Variants in EIF4B observed in about 807,000 individuals in gnomAD.
EIF4B encodes eukaryotic translation initiation factor 4B.
Under a neutral mutation model 79.3 loss-of-function variants are expected in EIF4B, and 8 were observed. That is an observed-to-expected ratio of 0.10 (90% confidence interval 0.06 to 0.18). The LOEUF is 0.18. Among genes scored for constraint, EIF4B ranks in the 10% least tolerant of loss-of-function variants. The pLI is 1.00. For missense variants in EIF4B, 515 were observed against 792.4 expected, an observed-to-expected ratio of 0.65 and a Z score of 4.20; for synonymous variants, 238 against 274.7, an observed-to-expected ratio of 0.87 and a Z score of 1.32.
intron 4 of EIF4B, 93 bp downstream of exon 4, chr12:53,020,119 C>T (rs1943224269): frequency 1.2e-5 from 12 of 979,062 alleles, no homozygotes; most frequent in Non-Finnish European, 1.7e-5. Context: ...GAGAGGCTCA[C>T]TTCAAAGATT....
At position 53,040,907 on chromosome 12, in the gene EIF4B, A is replaced by T. The variant is rs1401066036; in HGVS notation, c.*684A>T. 1 of 152,082 alleles carries T rather than the reference A, an allele frequency of 6.6e-6. No individual in the cohort carries two copies. The highest frequency in any genetic ancestry group is 2.4e-5 in the African/African-American group (1 of 41,414). The allele number at this position is 152,082 out of a possible 1,614,324, so 9.4% of individuals were successfully genotyped here. ...CGTGGTTTGAAAAGAAGCTTTTGGGAAGTGATGAGTCATTTTGCACCAGGT... is the reference window on the plus strand; with the variant it reads ...CGTGGTTTGAAAAGAAGCTTTTGGGTAGTGATGAGTCATTTTGCACCAGGT... On this transcript the variant is annotated 3_prime_UTR_variant, in exon 15 of 15. Transcript: ENST00000262056.
At chr12:53,023,153 AAGTG>A (rs1449638552) in intron 6 of EIF4B, among the ~76,000 whole-genome samples, 1 of 152,190 alleles carries the variant, frequency 6.6e-6, no homozygotes, top group East Asian at 1.9e-4. Flanking sequence ...AGATTCTACA[AAGTG>A]AGCTATTTGA....
At chr12:53,013,737 A>G (rs1258150251) in intron 1 of EIF4B, 3 of 152,006 alleles carry the variant, frequency 2.0e-5, no homozygotes, top group Non-Finnish European at 2.9e-5. Context: ...TAGTGAGCCA[A>G]GATGGCGCCA....
intron 10 of EIF4B, among the ~76,000 whole-genome samples, chr12:53,037,170 C>CT (rs1276726723): frequency 1.3e-5 from 2 of 152,194 alleles, no homozygotes; most frequent in African/African-American, 4.8e-5. Context: ...ATACTCATTC[C>CT]TAAAAAGGTC....
intron 4 of EIF4B, 71 bp from the exon 5 acceptor site, chr12:53,021,735 C>CTG (rs1565587140): frequency 4.5e-6 from 7 of 1,558,464 alleles, no homozygotes; most frequent in Non-Finnish European, 6.2e-6. Context: ...TATGCCCAGA[C>CTG]GTTCAAGGTC....
intron 12 of EIF4B, chr12:53,038,704 A>G (rs1943579221): frequency 5.8e-6 from 1 of 173,290 alleles, no homozygotes; most frequent in African/African-American, 2.4e-5. Context: ...AATCCCAGCT[A>G]CTCGGGAGAC....
chr12:53,022,670 A>G (rs1158067877), intron 6 of EIF4B, 43 bp downstream of exon 6: 1 of 1,594,520 alleles, frequency 6.3e-7, no homozygotes, highest in South Asian at 1.1e-5. Flanking sequence ...GTGCTTTGGG[A>G]GGCTATTTAG....
intron 10 of EIF4B, among the ~76,000 whole-genome samples, chr12:53,036,050 C>CCAGCACTT (rs1943535486): frequency 6.6e-6 from 1 of 151,944 alleles, no homozygotes; most frequent in Admixed American, 6.6e-5. Context: ...TCCCAAAGTG[C>CCAGCACTT]TGGGATTACA....
intron 1 of EIF4B, among the ~76,000 whole-genome samples, chr12:53,012,502 C>T (rs1295830580): frequency 3.3e-5 from 5 of 149,886 alleles, no homozygotes; most frequent in East Asian, 2.0e-4. Context: ...TTCGGTGAGC[C>T]GAGATTCCAC....
intron 8 of EIF4B, among the ~76,000 whole-genome samples, chr12:53,033,056 G>T (rs1350882646): frequency 6.6e-6 from 1 of 151,686 alleles, no homozygotes; most frequent in Non-Finnish European, 1.5e-5. Flanking sequence ...TTGTTTTCCA[G>T]CCTGGAGGGC....
chr12:53,025,917 C>T (rs1159753364), intron 6 of EIF4B, among the ~76,000 whole-genome samples: 1 of 152,002 alleles, frequency 6.6e-6, no homozygotes, highest in Non-Finnish European at 1.5e-5. Context: ...ACCATCCTGG[C>T]TAACACGGTG....
chr12:53,032,127 A>G (rs931458916), intron 8 of EIF4B, among the ~76,000 whole-genome samples: 2 of 152,194 alleles, frequency 1.3e-5, no homozygotes, highest in African/African-American at 4.8e-5. Context: ...TTTATATTAT[A>G]CACAGAGACA....
At chr12:53,021,278 T>C (rs546062977) in intron 4 of EIF4B, among the ~76,000 whole-genome samples, 1 of 152,314 alleles carries the variant, frequency 6.6e-6, no homozygotes, top group South Asian at 2.1e-4. Context: ...ATAGTAGTAG[T>C]AGAGGCTCTA....
intron 4 of EIF4B, 24 bp downstream of exon 4, chr12:53,020,050 A>C: frequency 2.6e-6 from 4 of 1,568,436 alleles, no homozygotes; most frequent in Non-Finnish European, 3.5e-6. Context: ...GAGTGGGGAT[A>C]TGAGGGGTGT....
chr12:53,032,505 C>CT (rs996176032), intron 8 of EIF4B, among the ~76,000 whole-genome samples: 1 of 152,168 alleles, frequency 6.6e-6, no homozygotes, highest in Non-Finnish European at 1.5e-5. Context: ...GAGCAAGATA[C>CT]TTTCATCCAG....
At chr12:53,036,212 A>C (rs971418751) in intron 10 of EIF4B, among the ~76,000 whole-genome samples, 1 of 152,022 alleles carries the variant, frequency 6.6e-6, no homozygotes. Context: ...TCCCGGGTTC[A>C]AGTGATTCTC....
At chr12:53,009,055 CGAAGTTT>C (rs1943018399) in intron 1 of EIF4B, among the ~76,000 whole-genome samples, 2 of 152,040 alleles carry the variant, frequency 1.3e-5, no homozygotes, top group Admixed American at 1.3e-4. Flanking sequence ...CTTAAAAATA[CGAAGTTT>C]TTCATTTTTC....
rs533687169 is a variant in EIF4B at position 53,041,405 on chromosome 12, A to T, written c.*1182A>T. ...AGTTAAATTGGGAGCCTTTCTTACA[A>T]CCTTGATGGGATTTTTCCCCCCAAG... is the stretch of plus-strand genomic sequence containing the variant. On this transcript the variant is annotated 3_prime_UTR_variant, in exon 15 of 15. Coordinates refer to ENST00000262056, the MANE Select transcript of EIF4B (RefSeq NM_001417.7). 1 of 152,248 alleles carries T rather than the reference A, an allele frequency of 6.6e-6. No individual in the cohort carries two copies. Among genetic ancestry groups the T allele is most frequent in the South Asian group, 2.1e-4 (1 of 4,822 alleles). The allele number at this position is 152,248 out of a possible 1,614,324, so 9.4% of individuals were successfully genotyped here.
intron 1 of EIF4B, among the ~76,000 whole-genome samples, chr12:53,010,147 A>G (rs1444316047): frequency 6.6e-6 from 1 of 152,104 alleles, no homozygotes; most frequent in African/African-American, 2.4e-5. Flanking sequence ...ATTTTGTTTG[A>G]TTATGTATAT....
Sources: gnomAD v4.1 joint callset for allele counts (sites outside exome capture counted in the v4.1 genomes callset) on GRCh38, gnomAD v4.1.1 for gene constraint, MANE v1.5 for transcripts, NCBI Gene and HGNC (gene_info 2026-07-23, HGNC 2026-07-21) for gene names.